DAB1: variants seen among roughly 807,000 people sequenced by gnomAD.
DAB1 encodes the protein DAB adaptor protein 1, also known as disabled homolog 1.
In DAB1, 15 loss-of-function variants were observed where a neutral mutation model predicts 64.6. The observed-to-expected ratio is 0.23, with a 90% CI of 0.16 to 0.36. The LOEUF (loss-of-function observed/expected upper bound fraction) is 0.36, where lower values mean the gene tolerates loss of function less well. Ranked by LOEUF, DAB1 falls within the 10% of genes least tolerant of loss-of-function variation. The probability of loss-of-function intolerance (pLI) is 1.00; values close to 1 mark genes in which losing one functional copy is unlikely to be tolerated. For synonymous variants in DAB1, 235 were observed against 251.9 expected (o/e 0.93, Z 0.64); for missense variants, 596 against 706.7 (o/e 0.84, Z 1.78).
Position 57,842,492 on chromosome 1 carries a change from C to G in DAB1, n.88-16037G>C, listed in dbSNP as rs572476673. 7.3e-4 allele frequency among the ~76,000 whole-genome samples: 111 copies of G among 152,146 alleles called. 1 individual carries two copies. The highest frequency in any genetic ancestry group is 2.5e-3 in the African/African-American group (103 of 41,500). On this transcript the variant is annotated intron_variant and non_coding_transcript_variant, in intron 1 of 1. Coordinates refer to the DAB1 transcript ENST00000477280. The stretch of plus-strand genomic sequence containing the variant: ...TCTATACTAGTCCATTTTTACACTG[C>G]TACAAAGAAACTACCTGAGACTGGG...
At chr1:58,243,724 A>G (rs1188322359) in intron 4 of DAB1, among the ~76,000 whole-genome samples, 2 of 152,196 alleles carry the variant, frequency 1.3e-5, no homozygotes, top group East Asian at 3.8e-4. Flanking sequence ...TGAGAGTTCA[A>G]ATCACAAGGA....
chr1:57,137,595 T>A (rs1658240872), intron 3 of DAB1, among the ~76,000 whole-genome samples: 1 of 152,186 alleles, frequency 6.6e-6, no homozygotes, highest in African/African-American at 2.4e-5. Context: ...GAGGTGCTGT[T>A]GCTGACCATG....
chr1:57,547,185 A>G (rs185777684), intron 7 of DAB1, among the ~76,000 whole-genome samples: 10 of 152,288 alleles, frequency 6.6e-5, no homozygotes, highest in Middle Eastern at 3.4e-3. Flanking sequence ...TCTGCTTACA[A>G]TGAGATGGGT....
chr1:58,518,281 A>AG (rs1557450254), intron 2 of DAB1, among the ~76,000 whole-genome samples: 88 of 5,910 alleles, frequency 0.015, 9 homozygotes, highest in South Asian at 0.031. Context: ...AGGAGAGGAG[A>AG]AGAGAAGAGA....
intron 1 of DAB1, among the ~76,000 whole-genome samples, chr1:57,299,456 A>G (rs1231852301): frequency 1.3e-5 from 2 of 152,236 alleles, no homozygotes; most frequent in Non-Finnish European, 2.9e-5. Context: ...AAAGCTAACA[A>G]AAGCCAGAAC....
At chr1:57,501,309 G>A (rs2101315653) in intron 7 of DAB1, among the ~76,000 whole-genome samples, 1 of 152,314 alleles carries the variant, frequency 6.6e-6, no homozygotes, top group Non-Finnish European at 1.5e-5. Flanking sequence ...AGGTACCCCC[G>A]TGTAGTCAGC....
rs546722261 is a variant in DAB1, at chr1:57,964,950, T to A, written n.388-80788A>T. Among the ~76,000 whole-genome samples the A allele has an allele frequency of 3.8e-4, 57 of 150,734 alleles. 1 individual carries two copies. The highest frequency in any genetic ancestry group is 1.4e-3 in the African/African-American group (56 of 41,316). ...GGAATATTGAGAAATAGACAGTTCC[T>A]GGCAACTGCAGGAACTAAAAAAAGT... On this transcript the variant is annotated intron_variant and non_coding_transcript_variant, in intron 5 of 20. Coordinates refer to the DAB1 transcript ENST00000485760.
intron 14 of DAB1, among the ~76,000 whole-genome samples, chr1:57,006,812 G>T (rs1158226618): frequency 6.6e-6 from 1 of 152,110 alleles, no homozygotes; most frequent in East Asian, 1.9e-4. Context: ...TACTTTCAAA[G>T]CTTATAAAAC....
At chr1:57,504,062 A>G (rs979558841) in intron 7 of DAB1, among the ~76,000 whole-genome samples, 2 of 152,204 alleles carry the variant, frequency 1.3e-5, no homozygotes, top group Non-Finnish European at 2.9e-5. Flanking sequence ...TCATCTTAAT[A>G]TCTCTGGAAA....
chr1:58,524,251 C>G (rs1437028073), intron 2 of DAB1, among the ~76,000 whole-genome samples: 1 of 152,198 alleles, frequency 6.6e-6, no homozygotes, highest in Non-Finnish European at 1.5e-5. Flanking sequence ...GTTCCGGCAG[C>G]TATTCTTTCT....
chr1:58,384,674 A>G (rs1322988773), intron 3 of DAB1, among the ~76,000 whole-genome samples: 2 of 152,228 alleles, frequency 1.3e-5, no homozygotes, highest in Non-Finnish European at 2.9e-5. Context: ...CAAAACCTCA[A>G]AAGTAGGGAA....
At position 57,015,248 on chromosome 1, in the gene DAB1, T is replaced by C. The variant is rs1162740117; in HGVS notation, c.1079A>G (p.Gln360Arg). 20 of 1,614,034 alleles carry C rather than the reference T, an allele frequency of 1.2e-5. No homozygotes were observed. The highest frequency in any genetic ancestry group is 1.7e-5 in the Non-Finnish European group (20 of 1,179,994). Residue 360 changes from glutamine to arginine, a missense_variant, in exon 12 of 15, where the codon CAG becomes CGG. Around this residue, in one of 3 missense-constraint regions of DAB1, gnomAD observed 377 missense variants for 400.4 expected, o/e 0.94. Transcript: ENST00000371236. ...GGGCATGAAGGCGGCTGGCGGAAAC[T>C]GCCCGGCCACAGTTGGCCAGGGCTG... ...TQQPWPTVAG[Q>R]FPPAAFMPTQ...
intron 6 of DAB1, among the ~76,000 whole-genome samples, chr1:57,748,375 C>T (rs1175740003): frequency 1.3e-5 from 2 of 152,196 alleles, no homozygotes; most frequent in Non-Finnish European, 2.9e-5. Context: ...CATTTAATTG[C>T]TCTGTGCCTC....
intron 3 of DAB1, among the ~76,000 whole-genome samples, chr1:58,469,248 G>T (rs909470507): frequency 3.3e-5 from 5 of 152,278 alleles, no homozygotes; most frequent in African/African-American, 1.2e-4. Context: ...TCAGCCATTT[G>T]GGCATTGCAT....
chr1:58,459,288 T>TG (rs1645220819), intron 3 of DAB1, among the ~76,000 whole-genome samples: 1 of 152,222 alleles, frequency 6.6e-6, no homozygotes, highest in Admixed American at 6.5e-5. Flanking sequence ...GTTCAGAAAT[T>TG]GGGGAACAGC....
chr1:57,533,680 A>G (rs1266338598), intron 7 of DAB1, among the ~76,000 whole-genome samples: 4 of 151,720 alleles, frequency 2.6e-5, no homozygotes, highest in Non-Finnish European at 5.9e-5. Context: ...AATTAAAAAA[A>G]AAAAAATGCA....
rs758880064 is a variant in DAB1 at position 57,347,917 on chromosome 1, A to C, written c.-136-56751T>G. ...GTTACTACACTGCTGTTTAGGGATG[A>C]GCTTTGGGGTTCCATCACCCCTCTA... On this transcript the variant is annotated intron_variant, in intron 1 of 14. Transcript: ENST00000371236. Among the ~76,000 whole-genome samples the C allele has an allele frequency of 6.1e-4, 93 of 152,244 alleles. 1 individual carries two copies. The Middle Eastern group carries it at 0.01, about 17-fold the overall frequency.
chr1:57,197,358 A>G (rs1664714145), intron 2 of DAB1, among the ~76,000 whole-genome samples: 1 of 150,104 alleles, frequency 6.7e-6, no homozygotes, highest in Admixed American at 6.7e-5. Context: ...AAAAAAAAAA[A>G]GAAAGAAAGT....
At chr1:57,207,753 C>T (rs1443136565) in intron 2 of DAB1, among the ~76,000 whole-genome samples, 2 of 152,138 alleles carry the variant, frequency 1.3e-5, no homozygotes, top group Non-Finnish European at 2.9e-5. Context: ...ACCTTATTTC[C>T]TTTCAAAGAG....
Sources: allele counts gnomAD v4.1 joint callset (sites outside exome capture counted in the v4.1 genomes callset), GRCh38; gene constraint gnomAD v4.1.1; regional missense constraint gnomAD v4.1.1; transcripts MANE v1.5; gene names NCBI Gene and HGNC (gene_info 2026-07-23, HGNC 2026-07-21).